CNTN6: variants seen among roughly 807,000 people sequenced by gnomAD.
The protein encoded by CNTN6 is contactin 6.
CNTN6 carries 137 observed loss-of-function variants against 122.8 expected under a neutral mutation model. The observed-to-expected ratio is 1.12, with a 90% CI of 0.97 to 1.29. The LOEUF (loss-of-function observed/expected upper bound fraction) is 1.29. CNTN6 is among the 50% of genes most tolerant of loss of function. CNTN6 has a pLI of 0.00. For missense variants in CNTN6, 1,634 were observed against 1,223.4 expected (o/e 1.34, Z -5.01); for synonymous variants, 570 against 426.0 (o/e 1.34, Z -4.16).
intron 4 of CNTN6, among the ~76,000 whole-genome samples, chr3:1,230,343 G>C (rs900687216): frequency 6.6e-6 from 1 of 152,108 alleles, no homozygotes; most frequent in African/African-American, 2.4e-5. Flanking sequence ...CCACCACATA[G>C]GACAGTGACA....
chr3:1,332,541 A>G (rs367629808), intron 11 of CNTN6, among the ~76,000 whole-genome samples: 1 of 97,982 alleles, frequency 1.0e-5, no homozygotes, highest in Non-Finnish European at 2.2e-5. Flanking sequence ...GAGGGAGGGA[A>G]GGAAGGAAGA....
chr3:1,135,546 G>C (rs1309665362), intron 1 of CNTN6, among the ~76,000 whole-genome samples: 1 of 152,146 alleles, frequency 6.6e-6, no homozygotes, highest in East Asian at 1.9e-4. Context: ...AGAGAGCTCA[G>C]AACTGCAGGG....
chr3:1,269,351 A>G (rs1046871365), intron 4 of CNTN6, among the ~76,000 whole-genome samples: 1 of 152,162 alleles, frequency 6.6e-6, no homozygotes, highest in East Asian at 1.9e-4. Flanking sequence ...GGGTTATTTA[A>G]TCTATTTTGC....
intron 2 of CNTN6, among the ~76,000 whole-genome samples, chr3:1,168,198 G>C (rs1295701870): frequency 1.3e-5 from 2 of 151,834 alleles, no homozygotes; most frequent in African/African-American, 4.8e-5. Flanking sequence ...GTGACACATC[G>C]CGCCCGGCCT....
At chr3:1,274,616 C>T (rs1691983614) in intron 4 of CNTN6, among the ~76,000 whole-genome samples, 1 of 152,100 alleles carries the variant, frequency 6.6e-6, no homozygotes, top group South Asian at 2.1e-4. Flanking sequence ...AAAAAGAACA[C>T]TGATATGGGA....
intron 1 of CNTN6, among the ~76,000 whole-genome samples, chr3:1,119,354 G>GTGTGTGTGTGTGTGT (rs1339996215): frequency 8.0e-3 from 71 of 8,822 alleles, no homozygotes; most frequent in African/African-American, 0.017. Flanking sequence ...TGTGTGTGTG[G>GTGTGTGTGTGTGTGT]AGAATGTCTC....
rs143562287 is a variant in CNTN6 at position 1,298,282 on chromosome 3, T to C, written c.761+291T>C. 316 of 255,766 alleles carry C rather than the reference T, an allele frequency of 1.2e-3. 1 individual carries two copies. The highest frequency in any genetic ancestry group is 6.5e-3 in the African/African-American group (291 of 45,048). The allele number at this position is 255,766 out of a possible 1,614,324, so 15.8% of individuals were successfully genotyped here. A position where few individuals can be genotyped will look rare whatever the true frequency, so the allele number is the denominator to read the frequency against. ...AGGCAGCACATTGCAAGGGAATAAG[T>C]GCACTCGTATAAGATGATGGGCAAG... On this transcript the variant is annotated intron_variant, in intron 7 of 22. Coordinates refer to ENST00000446702, the MANE Select transcript of CNTN6 (RefSeq NM_001289080.2).
At chr3:1,251,427 C>G (rs1245936894) in intron 4 of CNTN6, among the ~76,000 whole-genome samples, 8 of 151,900 alleles carry the variant, frequency 5.3e-5, no homozygotes, top group Non-Finnish European at 5.9e-5. Flanking sequence ...GTCATTCCCT[C>G]TATACTGAGA....
At chr3:1,289,199 T>C (rs1431173513) in intron 5 of CNTN6, among the ~76,000 whole-genome samples, 1 of 152,120 alleles carries the variant, frequency 6.6e-6, no homozygotes, top group Non-Finnish European at 1.5e-5. Context: ...CTTTCCCCAT[T>C]GAAAGATACA....
At chr3:1,310,153 A>G (rs1699006930) in intron 7 of CNTN6, among the ~76,000 whole-genome samples, 2 of 152,144 alleles carry the variant, frequency 1.3e-5, no homozygotes, top group Non-Finnish European at 2.9e-5. Context: ...TTCCAATACA[A>G]TGATGACAGT....
chr3:1,202,542 A>AT (rs776771954), intron 2 of CNTN6, among the ~76,000 whole-genome samples: 1 of 62,560 alleles, frequency 1.6e-5, no homozygotes, highest in African/African-American at 9.7e-5. Context: ...CTCCGTCTCA[A>AT]AAAATAAATA....
rs751668289 is a variant in CNTN6 at position 1,383,308 on chromosome 3, C to T, written c.2417C>T (p.Pro806Leu). ...YSGEDEPQLAPRGTSLQSFSA... is the reference protein window; with the variant it reads ...YSGEDEPQLALRGTSLQSFSA... ...TGGATGGTAGAACCTCAACTGGCCC[C>T]AAGGGGAACTTCTCTCCAGAGTTTT... The change falls in exon 19 of 23, where the codon CCA becomes CTA. Residue 806 changes from proline to leucine, a missense_variant. Coordinates refer to ENST00000446702, the MANE Select transcript of CNTN6 (RefSeq NM_001289080.2). 3 of 1,613,804 alleles carry T rather than the reference C, an allele frequency of 1.9e-6. No individual in the cohort carries two copies. The highest frequency in any genetic ancestry group is 2.7e-5 in the African/African-American group (2 of 74,918).
rs187866702 is a variant in CNTN6 at position 1,114,135 on chromosome 3, C to T, written c.-83+21015C>T. On this transcript the variant is annotated intron_variant, in intron 1 of 22. Coordinates refer to ENST00000446702, the MANE Select transcript of CNTN6 (RefSeq NM_001289080.2). The stretch of plus-strand genomic sequence containing the variant: ...GAATACACTCTTCGGTTCTGTGTGG[C>T]TTGATGAGTATACACCATTATAATC... 7.9e-5 allele frequency among the ~76,000 whole-genome samples: 12 copies of T among 152,216 alleles called. No homozygotes were observed. In the East Asian group the frequency reaches 2.3e-3, roughly 29 times the overall value.
intron 4 of CNTN6, among the ~76,000 whole-genome samples, chr3:1,245,612 A>C (rs890496018): frequency 6.6e-6 from 1 of 151,142 alleles, no homozygotes; most frequent in Non-Finnish European, 1.5e-5. Flanking sequence ...GGGTACGCCA[A>C]AATCTCAGAA....
intron 2 of CNTN6, among the ~76,000 whole-genome samples, chr3:1,175,166 A>C (rs1319156413): frequency 6.7e-6 from 1 of 148,486 alleles, no homozygotes; most frequent in Non-Finnish European, 1.5e-5. Flanking sequence ...TGGGAGGCCC[A>C]GACTACGGTG....
chr3:1,119,353 G>GTGTGTGTGTGTGTGTA (rs377642286), intron 1 of CNTN6, among the ~76,000 whole-genome samples: 1 of 150,152 alleles, frequency 6.7e-6, no homozygotes, highest in Non-Finnish European at 1.5e-5. Flanking sequence ...GTGTGTGTGT[G>GTGTGTGTGTGTGTGTA]GAGAATGTCT....
chr3:1,201,293 A>T (rs1249279726), intron 2 of CNTN6, among the ~76,000 whole-genome samples: 1 of 152,078 alleles, frequency 6.6e-6, no homozygotes, highest in Non-Finnish European at 1.5e-5. Context: ...TTCTAAAAGA[A>T]TCCATTTGCT....
chr3:1,131,371 G>T (rs1459137340), intron 1 of CNTN6, among the ~76,000 whole-genome samples: 1 of 152,096 alleles, frequency 6.6e-6, no homozygotes, highest in African/African-American at 2.4e-5. Context: ...GCTTCCAAAG[G>T]AACAATTAGT....
intron 2 of CNTN6, among the ~76,000 whole-genome samples, chr3:1,204,517 T>TACAA (rs749199941): frequency 1.1e-4 from 17 of 152,140 alleles, no homozygotes; most frequent in Non-Finnish European, 1.9e-4. Context: ...AATACATACA[T>TACAA]ACAAACAATT....
Sources: allele counts gnomAD v4.1 joint callset (sites outside exome capture counted in the v4.1 genomes callset), GRCh38; gene constraint gnomAD v4.1.1; transcripts MANE v1.5; gene names NCBI Gene and HGNC (gene_info 2026-07-23, HGNC 2026-07-21).